PLAU: variants seen among roughly 807,000 people sequenced by gnomAD.
PLAU encodes urokinase-type plasminogen activator.
PLAU carries 32 observed loss-of-function variants against 48.9 expected under a neutral mutation model. The ratio of observed to expected loss-of-function variants is 0.65; its 90% confidence interval spans 0.49 to 0.88. PLAU has a LOEUF of 0.88. Among genes scored for constraint, PLAU ranks in the 40% least tolerant of loss-of-function variants. PLAU has a pLI of 0.00. For synonymous variants in PLAU, 199 were observed against 205.7 expected, an observed-to-expected ratio of 0.97 and a Z score of 0.28; for missense variants, 455 against 545.2, an observed-to-expected ratio of 0.83 and a Z score of 1.65.
intron 10 of PLAU, among the ~76,000 whole-genome samples, chr10:73,915,958 C>T (rs888794130): frequency 4.6e-5 from 7 of 152,036 alleles, no homozygotes; most frequent in Admixed American, 2.6e-4. Flanking sequence ...AATGGGGCTG[C>T]GTCAGGCACA....
At position 73,914,088 on chromosome 10, in the gene PLAU, G is replaced by C; in HGVS notation, c.789G>C (p.Lys263Asn). The C allele has an allele frequency of 6.2e-7, 1 of 1,614,192 alleles. No individual in the cohort carries two copies. The highest frequency in any genetic ancestry group is 1.7e-5 in the Admixed American group (1 of 60,026). ...AGGTGGAAAACCTCATCCTACACAA[G>C]GACTACAGCGCTGACACGCTTGCTC... The part of the protein sequence containing the change: ...KFEVENLILH[K>N]DYSADTLAHH... Residue 263 changes from lysine to asparagine, a missense_variant, in exon 8 of 11, where the codon AAG becomes AAC. By Grantham distance (94) the Lys-to-Asn change is moderately conservative (BLOSUM62 0). Transcript: ENST00000372764.
Position 73,913,524 on chromosome 10 carries a change from CTGTT to C in PLAU, c.461-11_461-8del. On this transcript the variant is annotated splice_polypyrimidine_tract_variant and intron_variant, in intron 6 of 10. Coordinates refer to ENST00000372764, the MANE Select transcript of PLAU (RefSeq NM_002658.6). Reference sequence around the variant, plus strand: ...CTACCTGCCTCCCTAAGACATCCCTCTGTTTGTCCTCCAGGAAAAAAGCCCTCCT... The same window carrying C: ...CTACCTGCCTCCCTAAGACATCCCTCTGTCCTCCAGGAAAAAAGCCCTCCT... The C allele has an allele frequency of 3.1e-6, 5 of 1,604,750 alleles. No homozygotes were observed. Among genetic ancestry groups the C allele is most frequent in the South Asian group, 2.2e-5 (2 of 90,660 alleles).
rs1169492705 is a variant in PLAU, at chr10:73,916,884, G to C, written c.*319G>C. ...GGCATCTCCTGTGCATGGGTGAAGG[G>C]AGAGCCAGCTCCCCCGACGGTGGGC... On this transcript the variant is annotated 3_prime_UTR_variant, in exon 11 of 11. Coordinates refer to ENST00000372764, the MANE Select transcript of PLAU (RefSeq NM_002658.6). The C allele has an allele frequency of 3.7e-6, 1 of 266,956 alleles. No individual in the cohort carries two copies. 16.5% of individuals were successfully genotyped at this position (266,956 alleles called of 1,614,324 possible).
At position 73,911,512 on chromosome 10, in the gene PLAU, C is replaced by G; in HGVS notation, c.-31-13C>G. The stretch of plus-strand genomic sequence containing the variant: ...TCCTCCGCCTCTTGCCCTGACTTCT[C>G]CTTCCTTTGCAGAGCCGCCGTCTAG... On this transcript the variant is annotated splice_polypyrimidine_tract_variant and intron_variant, in intron 1 of 10. Coordinates refer to ENST00000372764, the MANE Select transcript of PLAU (RefSeq NM_002658.6). The G allele has an allele frequency of 6.2e-7, 1 of 1,602,214 alleles. No individual in the cohort carries two copies. The highest frequency in any genetic ancestry group is 8.5e-7 in the Non-Finnish European group (1 of 1,177,600).
rs2096137889 is a variant in PLAU, at chr10:73,916,731, G to T, written c.*166G>T. 1.6e-6 allele frequency: 1 copy of T among 631,194 alleles called. No individual in the cohort carries two copies. The highest frequency in any genetic ancestry group is 2.7e-6 in the Non-Finnish European group (1 of 366,756). The allele number at this position is 631,194 out of a possible 1,614,324, so 39.1% of individuals were successfully genotyped here. On this transcript the variant is annotated 3_prime_UTR_variant, in exon 11 of 11. Coordinates refer to ENST00000372764, the MANE Select transcript of PLAU (RefSeq NM_002658.6). Reference sequence around the variant, plus strand: ...CGAACGACAATAGCTTTACCCTCAGGCATAGGCCTGGGTGCTGGCTGCCCA... The same window carrying T: ...CGAACGACAATAGCTTTACCCTCAGTCATAGGCCTGGGTGCTGGCTGCCCA...
At chr10:73,911,500 G>A in intron 1 of PLAU, 25 bp from the exon 2 acceptor site, 1 of 1,593,354 alleles carries the variant, frequency 6.3e-7, no homozygotes. Flanking sequence ...TCCGCCTCTT[G>A]CCCTGACTTC....
chr10:73,916,982 G>C lies in PLAU; in HGVS notation c.*417G>C, dbSNP rs1370916504. 1 of 169,898 alleles carries C rather than the reference G, an allele frequency of 5.9e-6. No individual in the cohort carries two copies. The highest frequency in any genetic ancestry group is 2.4e-5 in the African/African-American group (1 of 41,866). 10.5% of individuals were successfully genotyped at this position (169,898 alleles called of 1,614,324 possible). On this transcript the variant is annotated 3_prime_UTR_variant, in exon 11 of 11. Coordinates refer to ENST00000372764, the MANE Select transcript of PLAU (RefSeq NM_002658.6). ...GTGTAACAGCTGAGGTCTCTTGAGG[G>C]AGCTTAGCCAATGTGGGAGCAGCGG...
chr10:73,913,524 C>T lies in PLAU; in HGVS notation c.461-15C>T. 1.9e-6 allele frequency: 3 copies of T among 1,604,750 alleles called. No individual in the cohort carries two copies. Among genetic ancestry groups the T allele is most frequent in the Non-Finnish European group, 2.6e-6 (3 of 1,172,576 alleles). ...CTACCTGCCTCCCTAAGACATCCCT[C>T]TGTTTGTCCTCCAGGAAAAAAGCCC... is the stretch of plus-strand genomic sequence containing the variant. On this transcript the variant is annotated splice_polypyrimidine_tract_variant and intron_variant, in intron 6 of 10. Coordinates refer to ENST00000372764, the MANE Select transcript of PLAU (RefSeq NM_002658.6).
chr10:73,913,411 G>C, intron 6 of PLAU, 30 bp downstream of exon 6: 1 of 1,596,314 alleles, frequency 6.3e-7, no homozygotes, highest in Non-Finnish European at 8.6e-7. Context: ...TGATGACAGT[G>C]GGGTGGAAGG....
At chr10:73,911,041 G>GCGCT (rs1027312248), upstream of PLAU, 1 of 155,862 alleles carries the variant, frequency 6.4e-6, no homozygotes, top group Non-Finnish European at 1.4e-5. Context: ...GGGTCGCTGA[G>GCGCT]CGCTGCAAGA....
chr10:73,915,395 G>A lies in PLAU; in HGVS notation c.1115G>A (p.Cys372Tyr). Residue 372 changes from cysteine to tyrosine, a missense_variant, in exon 10 of 11, where the codon TGC (cysteine) becomes TAC (tyrosine). Cys to Tyr is a radical substitution (Grantham distance 194). Coordinates refer to ENST00000372764, the MANE Select transcript of PLAU (RefSeq NM_002658.6). Reference protein sequence around the residue: ...AADPQWKTDSCQGDSGGPLVC... With the variant: ...AADPQWKTDSYQGDSGGPLVC... ...GACCCACAGTGGAAAACAGATTCCT[G>A]CCAGGTGAGTGTTCCAAGCATCTCT... 1 of 1,603,810 alleles carries A rather than the reference G, an allele frequency of 6.2e-7. No homozygotes were observed.
Position 73,911,188 on chromosome 10 carries a change from G to T in PLAU, c.-62G>T. 1 of 291,758 alleles carries T rather than the reference G, an allele frequency of 3.4e-6. No homozygotes were observed. The highest frequency in any genetic ancestry group is 4.6e-5 in the South Asian group (1 of 21,956). The allele number at this position is 291,758 out of a possible 1,614,324, so 18.1% of individuals were successfully genotyped here. ...GCCAGGGTCCACCTGTCCCCGCAGC[G>T]CCGGCTCGCGCCCTCCTGCCGCAGC... On this transcript the variant is annotated 5_prime_UTR_variant, in exon 1 of 11. Coordinates refer to ENST00000372764, the MANE Select transcript of PLAU (RefSeq NM_002658.6).
At chr10:73,915,650 G>A (rs966006372) in intron 10 of PLAU, among the ~76,000 whole-genome samples, 1 of 152,170 alleles carries the variant, frequency 6.6e-6, no homozygotes, top group African/African-American at 2.4e-5. Context: ...AAAAGACAAT[G>A]TAACTCAGTG....
At chr10:73,911,900 C>T in intron 2 of PLAU, 141 bp from the exon 3 acceptor site, 1 of 1,574,862 alleles carries the variant, frequency 6.3e-7, no homozygotes, top group South Asian at 1.1e-5. Flanking sequence ...CCATGGTCTT[C>T]CATTTGAGAA....
upstream of PLAU, chr10:73,910,053 CTAAA>C (rs1281055486): frequency 1.3e-5 from 2 of 152,290 alleles, no homozygotes; most frequent in South Asian, 2.1e-4. Context: ...AAGTAAAACA[CTAAA>C]TACACATGCA....
At chr10:73,914,656 A>C in intron 8 of PLAU, 120 bp from the exon 9 acceptor site, 3 of 913,640 alleles carry the variant, frequency 3.3e-6, no homozygotes, top group Non-Finnish European at 4.9e-6. Flanking sequence ...CGACCAGCAG[A>C]CCTCCCTGGA....
Position 73,916,411 on chromosome 10 carries a change from T to A in PLAU, c.1142T>A (p.Val381Asp). Reference protein sequence around the residue: ...SCQGDSGGPLVCSLQGRMTLT... With the variant: ...SCQGDSGGPLDCSLQGRMTLT... Reference sequence around the variant, plus strand: ...CAGGGAGACTCAGGGGGACCCCTCGTCTGTTCCCTCCAAGGCCGCATGACT... The same window carrying A: ...CAGGGAGACTCAGGGGGACCCCTCGACTGTTCCCTCCAAGGCCGCATGACT... Residue 381 changes from valine to aspartate, a missense_variant, in exon 11 of 11, where the codon GTC (valine) becomes GAC (aspartate). Transcript: ENST00000372764. 1 of 1,613,462 alleles carries A rather than the reference T, an allele frequency of 6.2e-7. No homozygotes were observed.
At chr10:73,913,225 G>T in intron 5 of PLAU, 65 bp from the exon 6 acceptor site, 1 of 1,585,296 alleles carries the variant, frequency 6.3e-7, no homozygotes, top group South Asian at 1.1e-5. Flanking sequence ...AGTCTTCCCT[G>T]AGGGGAGGAG....
chr10:73,913,679 C>G lies in PLAU; in HGVS notation c.601C>G (p.Arg201Gly), dbSNP rs145070893. ...PWFAAIYRRH[R>G]GGSVTYVCGG... ...GTTTGCGGCCATCTACAGGAGGCAC[C>G]GGGGGGGCTCTGTCACCTACGTGTG... The change falls in exon 7 of 11, where the codon CGG (arginine) becomes GGG (glycine). Residue 201 changes from arginine to glycine, a missense_variant. Physicochemically the swap from Arg to Gly is moderately radical, Grantham distance 125. Transcript: ENST00000372764. 6.2e-6 allele frequency: 10 copies of G among 1,613,350 alleles called. No homozygotes were observed. The highest frequency in any genetic ancestry group is 7.6e-6 in the Non-Finnish European group (9 of 1,179,746).
Sources: allele counts gnomAD v4.1 joint callset (sites outside exome capture counted in the v4.1 genomes callset), GRCh38; gene constraint gnomAD v4.1.1; transcripts MANE v1.5; gene names NCBI Gene and HGNC (gene_info 2026-07-23, HGNC 2026-07-21).